SFMBT2: variants seen among roughly 807,000 people sequenced by gnomAD.
The protein encoded by SFMBT2 is Scm like with four mbt domains 2.
SFMBT2 carries 38 observed loss-of-function variants against 110.1 expected under a neutral mutation model. The ratio of observed to expected loss-of-function variants is 0.35; its 90% CI spans 0.27 to 0.45. The LOEUF is 0.45. Among genes scored for constraint, SFMBT2 ranks in the 20% least tolerant of loss-of-function variants. The pLI is 1.00. For synonymous variants in SFMBT2, 425 were observed against 425.4 expected, an observed-to-expected ratio of 1.00 and a Z score of 0.01; for missense variants, 1,011 against 1,094.9, an observed-to-expected ratio of 0.92 and a Z score of 1.08.
At chr10:7,270,252 C>T (rs1841539128) in intron 7 of SFMBT2, among the ~76,000 whole-genome samples, 1 of 152,184 alleles carries the variant, frequency 6.6e-6, no homozygotes, top group South Asian at 2.1e-4. Context: ...CAGGCGACCC[C>T]AGAAGCCAGG....
intron 4 of SFMBT2, among the ~76,000 whole-genome samples, chr10:7,319,478 G>A (rs775206041): frequency 3.3e-5 from 5 of 152,184 alleles, no homozygotes; most frequent in East Asian, 1.9e-4. Flanking sequence ...GAAAACAAAC[G>A]TCCTTCACGT....
At chr10:7,245,906 T>G (rs1471809859) in intron 8 of SFMBT2, among the ~76,000 whole-genome samples, 4 of 152,236 alleles carry the variant, frequency 2.6e-5, no homozygotes, top group Non-Finnish European at 5.9e-5. Context: ...AAATTTTCAT[T>G]GTGATGAGTA....
chr10:7,189,016 C>A (rs1838511983), intron 15 of SFMBT2: 3 of 400,048 alleles, frequency 7.5e-6, no homozygotes, highest in Non-Finnish European at 1.0e-5. Flanking sequence ...CTTCTAGTTG[C>A]AGAAAAGCTG....
At chr10:7,260,701 T>G (rs1465120750) in intron 7 of SFMBT2, among the ~76,000 whole-genome samples, 1 of 151,900 alleles carries the variant, frequency 6.6e-6, no homozygotes, top group African/African-American at 2.4e-5. Flanking sequence ...TCTACCACAT[T>G]CCCCAGTGCA....
chr10:7,275,402 A>C (rs571549315), intron 7 of SFMBT2, among the ~76,000 whole-genome samples: 13 of 152,282 alleles, frequency 8.5e-5, no homozygotes, highest in African/African-American at 2.9e-4. Flanking sequence ...GGCAGAGCTG[A>C]GAGGTCCAAC....
chr10:7,181,350 T>G (rs1838242687), intron 16 of SFMBT2, among the ~76,000 whole-genome samples: 1 of 151,924 alleles, frequency 6.6e-6, no homozygotes, highest in African/African-American at 2.4e-5. Context: ...ATACTGCAAG[T>G]ATTCCAAAAG....
At chr10:7,262,300 A>C (rs903018521) in intron 7 of SFMBT2, among the ~76,000 whole-genome samples, 1 of 152,186 alleles carries the variant, frequency 6.6e-6, no homozygotes, top group African/African-American at 2.4e-5. Flanking sequence ...ATCCACAATA[A>C]GATCTTCTGT....
At chr10:7,320,112 CAGAG>C (rs902659000) in intron 4 of SFMBT2, among the ~76,000 whole-genome samples, 1 of 152,144 alleles carries the variant, frequency 6.6e-6, no homozygotes, top group African/African-American at 2.4e-5. Flanking sequence ...GAGAGACAGA[CAGAG>C]AAAGTCAAAG....
intron 2 of SFMBT2, among the ~76,000 whole-genome samples, chr10:7,377,389 A>T (rs1292155217): frequency 6.6e-6 from 1 of 152,220 alleles, no homozygotes; most frequent in Non-Finnish European, 1.5e-5. Flanking sequence ...ATTTTTCCAC[A>T]GATACAGGGG....
rs75212576 is a variant in SFMBT2 at position 7,351,123 on chromosome 10, G to A, written c.436+16526C>T. ...ATTTTCTGCTTCCAACATGTGCTGG[G>A]CTTCAAAATCAAGTAATGTGATTGT... is the stretch of plus-strand genomic sequence containing the variant. On this transcript the variant is annotated intron_variant, in intron 4 of 20. Transcript: ENST00000397167. Among the ~76,000 whole-genome samples, 1,323 of 152,248 alleles carry A rather than the reference G, an allele frequency of 8.7e-3. 23 individuals carry two copies. Among genetic ancestry groups the A allele is most frequent in the African/African-American group, 0.03 (1,244 of 41,540 alleles).
At chr10:7,236,126 G>A (rs1157429830) in intron 9 of SFMBT2, among the ~76,000 whole-genome samples, 2 of 151,776 alleles carry the variant, frequency 1.3e-5, no homozygotes, top group East Asian at 3.9e-4. Context: ...AATAAGAAAT[G>A]AAAAGAAATC....
chr10:7,350,862 T>A (rs1844291120), intron 4 of SFMBT2, among the ~76,000 whole-genome samples: 1 of 152,234 alleles, frequency 6.6e-6, no homozygotes, highest in African/African-American at 2.4e-5. Context: ...TTGAGTGCCA[T>A]AAATCAATTA....
Position 7,351,641 on chromosome 10 carries a change from C to A in SFMBT2, c.436+16008G>T, listed in dbSNP as rs546788530. The stretch of plus-strand genomic sequence containing the variant: ...ATGGCTGAGATCAGTTATACATAAA[C>A]AATTATATAGCACAGGCAAGTATGA... On this transcript the variant is annotated intron_variant, in intron 4 of 20. Transcript: ENST00000397167. Among the ~76,000 whole-genome samples the A allele has an allele frequency of 7.9e-5, 12 of 152,258 alleles. No individual in the cohort carries two copies. In the East Asian group the frequency reaches 2.1e-3, roughly 27 times the overall value.
chr10:7,255,813 C>T (rs959750740), intron 7 of SFMBT2, among the ~76,000 whole-genome samples: 5 of 152,186 alleles, frequency 3.3e-5, no homozygotes, highest in African/African-American at 1.2e-4. Context: ...AACTGGAATC[C>T]CAACTCTGAA....
chr10:7,402,913 T>C (rs1274825694), intron 1 of SFMBT2, among the ~76,000 whole-genome samples: 1 of 152,258 alleles, frequency 6.6e-6, no homozygotes, highest in Non-Finnish European at 1.5e-5. Flanking sequence ...CAGCTTTCGA[T>C]AGTGTCTTCT....
rs866401849 is a variant in SFMBT2 at position 7,376,869 on chromosome 10, C to A, written c.100+4930G>T. ...TGGACAGTGGCAAAAAAAAAAAAAA[C>A]AAACATAAGAGAAAACACCCGGCCG... On this transcript the variant is annotated intron_variant, in intron 2 of 20. Transcript: ENST00000397167. 6.2e-3 allele frequency among the ~76,000 whole-genome samples: 389 copies of A among 62,582 alleles called. 3 individuals carry two copies. The highest frequency in any genetic ancestry group is 9.1e-3 in the African/African-American group (148 of 16,184). 41.1% of individuals were successfully genotyped at this position (62,582 alleles called of 152,430 possible). A position where few individuals can be genotyped will look rare whatever the true frequency, so the allele number is the denominator to read the frequency against.
intron 4 of SFMBT2, among the ~76,000 whole-genome samples, chr10:7,336,016 G>A (rs1211905000): frequency 6.6e-6 from 1 of 152,144 alleles, no homozygotes; most frequent in East Asian, 1.9e-4. Flanking sequence ...ATATTTTACT[G>A]GCTAGTACAA....
chr10:7,274,182 C>A (rs1029124336), intron 7 of SFMBT2, among the ~76,000 whole-genome samples: 1 of 152,188 alleles, frequency 6.6e-6, no homozygotes, highest in Non-Finnish European at 1.5e-5. Context: ...GGTAACCCCT[C>A]GTCTTCTTAA....
intron 2 of SFMBT2, among the ~76,000 whole-genome samples, chr10:7,374,849 G>A (rs111514935): frequency 0.01 from 1,555 of 152,244 alleles, 30 homozygotes; most frequent in African/African-American, 0.035. Context: ...AATGGGTCAC[G>A]TACAACCCTT....
Sources: allele counts gnomAD v4.1 joint callset (sites outside exome capture counted in the v4.1 genomes callset), GRCh38; gene constraint gnomAD v4.1.1; transcripts MANE v1.5; gene names NCBI Gene and HGNC (gene_info 2026-07-23, HGNC 2026-07-21).